SULF2: variants seen among roughly 807,000 people sequenced by gnomAD.
The protein encoded by SULF2 is extracellular sulfatase Sulf-2.
SULF2 carries 52 observed loss-of-function variants against 107.7 expected under a neutral mutation model. The observed-to-expected ratio is 0.48, with a 90% CI of 0.39 to 0.61. The LOEUF (loss-of-function observed/expected upper bound fraction) is 0.61, where lower values mean the gene tolerates loss of function less well. SULF2 is among the 20% of genes least tolerant of loss of function. The probability of loss-of-function intolerance (pLI) is 0.00; values close to 1 mark genes in which losing one functional copy is unlikely to be tolerated. For synonymous variants in SULF2, 460 were observed against 464.3 expected, an observed-to-expected ratio of 0.99 and a Z score of 0.12; for missense variants, 993 against 1,177.3, an observed-to-expected ratio of 0.84 and a Z score of 2.29.
intron 3 of SULF2, among the ~76,000 whole-genome samples, chr20:47,716,330 C>A (rs1368653002): frequency 3.3e-5 from 5 of 152,124 alleles, no homozygotes; most frequent in African/African-American, 1.2e-4. Flanking sequence ...TGTGGTGAAA[C>A]CCTGTCTCTA....
In SULF2 at chr20:47,676,825, G is replaced by A. The variant is rs2087657167; in HGVS notation, c.1251-202C>T. On this transcript the variant is annotated intron_variant, in intron 9 of 20. Transcript: ENST00000688720. ...TTATAAGAAACTTCCCAAATTGCAT[G>A]AGTTGGCAATAAATTAAATAAATTG... 8 of 676,492 alleles carry A rather than the reference G, an allele frequency of 1.2e-5. No homozygotes were observed. In the South Asian group the frequency reaches 1.6e-4, roughly 13 times the overall value. The allele number at this position is 676,492 out of a possible 1,614,324, so 41.9% of individuals were successfully genotyped here.
chr20:47,747,018 T>TACACACAC (rs58378160), intron 2 of SULF2, among the ~76,000 whole-genome samples: 1,086 of 74,952 alleles, frequency 0.014, 17 homozygotes, highest in East Asian at 0.066. Flanking sequence ...TATATATATA[T>TACACACAC]ACACACACAC....
intron 1 of SULF2, among the ~76,000 whole-genome samples, chr20:47,764,199 C>G (rs1372099199): frequency 6.6e-6 from 1 of 152,248 alleles, no homozygotes; most frequent in Non-Finnish European, 1.5e-5. Flanking sequence ...CTGCCCTCCC[C>G]AGTAGCACTT....
At chr20:47,776,977 C>CA (rs1347817570) in intron 1 of SULF2, among the ~76,000 whole-genome samples, 7 of 151,598 alleles carry the variant, frequency 4.6e-5, no homozygotes, top group South Asian at 2.1e-4. Context: ...TTCCTTCATT[C>CA]AAAAAAAAAT....
At chr20:47,775,972 C>T (rs888508219) in intron 1 of SULF2, among the ~76,000 whole-genome samples, 19 of 152,142 alleles carry the variant, frequency 1.2e-4, no homozygotes, top group African/African-American at 4.6e-4. Context: ...ACTCAAATGC[C>T]TACGTGGGCC....
At chr20:47,730,728 G>A (rs1393972639) in intron 3 of SULF2, among the ~76,000 whole-genome samples, 1 of 152,188 alleles carries the variant, frequency 6.6e-6, no homozygotes, top group Admixed American at 6.5e-5. Context: ...GATTACAGGC[G>A]TGAGCCACTG....
rs893527125 is a variant in SULF2, at chr20:47,694,787, T to C, written c.568-4492A>G. Among the ~76,000 whole-genome samples, 3 of 152,162 alleles carry C rather than the reference T, an allele frequency of 2.0e-5. No homozygotes were observed. Among genetic ancestry groups the C allele is most frequent in the African/African-American group, 7.2e-5 (3 of 41,450 alleles). ...CCCTCCAAGGCCAAGGCAGTGCGTG[T>C]GGGTGGCAGCAGCTCCACAGGCTCC... On this transcript the variant is annotated intron_variant, in intron 4 of 20. Transcript: ENST00000688720. The surrounding 1 kb of genome is among the most constrained non-coding windows in gnomAD (Gnocchi z 4.4).
rs2146413980 is a variant in SULF2 at position 47,666,592 on chromosome 20, G to C, written c.1577-104C>G. ...AAGATAGGGCCGGGCTTCCAAGCAT[G>C]AGGCTCAGCTTTGCCTGCGACTCGA... On this transcript the variant is annotated intron_variant, in intron 11 of 20. Coordinates refer to ENST00000688720, the MANE Select transcript of SULF2 (RefSeq NM_001387048.1). This position sits in a 1 kb window ranked among gnomAD's most constrained non-coding sequence, Gnocchi z 5.4. 1.1e-6 allele frequency: 1 copy of C among 920,918 alleles called. No homozygotes were observed. The highest frequency in any genetic ancestry group is 2.2e-5 in the Admixed American group (1 of 45,758). 57.0% of individuals were successfully genotyped at this position (920,918 alleles called of 1,614,324 possible). A position where few individuals can be genotyped will look rare whatever the true frequency, so the allele number is the denominator to read the frequency against.
At chr20:47,701,470 A>C (rs966908688) in intron 4 of SULF2, among the ~76,000 whole-genome samples, 15 of 152,244 alleles carry the variant, frequency 9.9e-5, no homozygotes, top group Non-Finnish European at 4.4e-5. Context: ...TGTTAAAAAC[A>C]GAAAAAACTA....
chr20:47,685,956 C>T (rs2087989521), intron 5 of SULF2: 1 of 152,136 alleles, frequency 6.6e-6, no homozygotes. Flanking sequence ...GGGTTCGAGC[C>T]CCAGTTCTGT....
chr20:47,731,295 C>G (rs1203272112), intron 3 of SULF2, among the ~76,000 whole-genome samples: 3 of 147,142 alleles, frequency 2.0e-5, no homozygotes, highest in African/African-American at 7.7e-5. Context: ...CAGGTTCAAG[C>G]AATTCTCCTG....
chr20:47,736,930 A>T lies in SULF2; in HGVS notation c.188T>A (p.Val63Glu). The T allele has an allele frequency of 6.2e-7, 1 of 1,614,178 alleles. No individual in the cohort carries two copies. Among genetic ancestry groups the T allele is most frequent in the Non-Finnish European group, 8.5e-7 (1 of 1,180,018 alleles). The part of the protein sequence containing the change: ...DQDVELGSMQ[V>E]MNKTRRIMEQ... Reference sequence around the variant, plus strand: ...CATGATGCGCCGGGTCTTGTTCATCACCTGCATGGAACCTGCAAGTCAAGG... The same window carrying T: ...CATGATGCGCCGGGTCTTGTTCATCTCCTGCATGGAACCTGCAAGTCAAGG... Residue 63 changes from valine to glutamate, a missense_variant, in exon 3 of 21, where the codon GTG (valine) becomes GAG (glutamate). Around this residue, in one of 3 missense-constraint regions of SULF2, gnomAD observed 388 missense variants for 449.2 expected, o/e 0.86. Coordinates refer to ENST00000688720, the MANE Select transcript of SULF2 (RefSeq NM_001387048.1).
At chr20:47,770,242 G>C (rs778486274) in intron 1 of SULF2, among the ~76,000 whole-genome samples, 1 of 151,660 alleles carries the variant, frequency 6.6e-6, no homozygotes, top group Non-Finnish European at 1.5e-5. Context: ...TAAATTTTTG[G>C]TAGAGATGAG....
chr20:47,658,128 G>C lies in SULF2; in HGVS notation c.*234C>G. ...GATACGAAAAAATGCATTTTGTGCA[G>C]CTGGTGAGGTATAATCCAAAGCAAA... On this transcript the variant is annotated 3_prime_UTR_variant, in exon 21 of 21. Coordinates refer to ENST00000688720, the MANE Select transcript of SULF2 (RefSeq NM_001387048.1). 1 of 553,670 alleles carries C rather than the reference G, an allele frequency of 1.8e-6. No individual in the cohort carries two copies. Among genetic ancestry groups the C allele is most frequent in the Non-Finnish European group, 3.2e-6 (1 of 310,982 alleles). The allele number at this position is 553,670 out of a possible 1,614,324, so 34.3% of individuals were successfully genotyped here. A position where few individuals can be genotyped will look rare whatever the true frequency, so the allele number is the denominator to read the frequency against.
chr20:47,723,245 A>T (rs1181030803), intron 3 of SULF2, among the ~76,000 whole-genome samples: 1 of 151,464 alleles, frequency 6.6e-6, no homozygotes, highest in African/African-American at 2.4e-5. Context: ...GTCCATCTCA[A>T]AAAAAAGAAA....
At chr20:47,731,187 C>CTCTTT (rs1186229502) in intron 3 of SULF2, among the ~76,000 whole-genome samples, 37 of 81,170 alleles carry the variant, frequency 4.6e-4, no homozygotes, top group African/African-American at 2.3e-3. Context: ...TGTATCTTCT[C>CTCTTT]TTTTTTTTTT....
chr20:47,704,364 C>T (rs757848746), intron 3 of SULF2, among the ~76,000 whole-genome samples: 1 of 152,108 alleles, frequency 6.6e-6, no homozygotes, highest in Non-Finnish European at 1.5e-5. Flanking sequence ...CCTCAACCTC[C>T]CAGGCTCAAG....
chr20:47,658,150 C>A lies in SULF2; in HGVS notation c.*212G>T. ...GCAGCTGGTGAGGTATAATCCAAAG[C>A]AAAAGCAGGGGCAAAAATGGACTTC... On this transcript the variant is annotated 3_prime_UTR_variant, in exon 21 of 21. Coordinates refer to ENST00000688720, the MANE Select transcript of SULF2 (RefSeq NM_001387048.1). The A allele has an allele frequency of 1.6e-6, 1 of 608,716 alleles. No homozygotes were observed. 37.7% of individuals were successfully genotyped at this position (608,716 alleles called of 1,614,324 possible).
At chr20:47,664,053 G>A in intron 15 of SULF2, 77 bp downstream of exon 15, 1 of 1,483,756 alleles carries the variant, frequency 6.7e-7, no homozygotes. Flanking sequence ...CTTTTCTTCT[G>A]AGTTTTAGCT....
Sources: gnomAD v4.1 joint callset for allele counts (sites outside exome capture counted in the v4.1 genomes callset) on GRCh38, gnomAD v4.1.1 for gene constraint, gnomAD v4.1.1 regional missense constraint, Gnocchi (gnomAD v3.1) non-coding constraint, MANE v1.5 for transcripts, NCBI Gene and HGNC (gene_info 2026-07-23, HGNC 2026-07-21) for gene names.